The following HASPIN variants were observed in gnomAD, a reference collection of about 807,000 sequenced individuals.
HASPIN encodes histone H3 associated protein kinase, also known as serine/threonine-protein kinase haspin.
A neutral mutation model predicts 28.8 loss-of-function variants in HASPIN; 24 were observed. The ratio of observed to expected loss-of-function variants is 0.83; its 90% confidence interval spans 0.60 to 1.17. The LOEUF (loss-of-function observed/expected upper bound fraction) is 1.17, where lower values mean the gene tolerates loss of function less well. Ranked by LOEUF, HASPIN falls within the 50% of genes most tolerant of loss-of-function variation. The pLI, the probability that HASPIN is intolerant of heterozygous loss-of-function variation, is 0.00. For synonymous variants in HASPIN, 440 were observed against 413.1 expected (o/e 1.07, Z -0.79); for missense variants, 1,016 against 1,018.5 (o/e 1.00, Z 0.03).
rs2143008363 is a variant in HASPIN at position 3,725,100 on chromosome 17, A to G, written c.1165A>G (p.Ser389Gly). 1 of 1,614,214 alleles carries G rather than the reference A, an allele frequency of 6.2e-7. No homozygotes were observed. Among genetic ancestry groups the G allele is most frequent in the Non-Finnish European group, 8.5e-7 (1 of 1,180,036 alleles). Residue 389 changes from serine to glycine, a missense_variant, in exon 1 of 1, where the codon AGT becomes GGT. Transcript: ENST00000325418. Reference sequence around the variant, plus strand: ...TTGGACCAAAACCAGGGCTTCCTTCAGTTTCCACAAGAAGAAAATTGTGAC... The same window carrying G: ...TTGGACCAAAACCAGGGCTTCCTTCGGTTTCCACAAGAAGAAAATTGTGAC... The part of the protein sequence containing the change: ...CFWTKTRASF[S>G]FHKKKIVTDV...
In HASPIN at chr17:3,725,326, A is replaced by T. The variant is rs2051184211; in HGVS notation, c.1391A>T (p.Tyr464Phe). The part of the protein sequence containing the change: ...NKKASDAEKV[Y>F]GECSQKGPVP... ...AAGGCATCTGATGCTGAAAAGGTTTATGGGGAATGCAGTCAGAAGGGTCCT... is the reference window on the plus strand; with the variant it reads ...AAGGCATCTGATGCTGAAAAGGTTTTTGGGGAATGCAGTCAGAAGGGTCCT... The change falls in exon 1 of 1, where the codon TAT becomes TTT. Residue 464 changes from tyrosine (Y) to phenylalanine (F), a missense_variant. Transcript: ENST00000325418. 6.2e-7 allele frequency: 1 copy of T among 1,614,128 alleles called. No individual in the cohort carries two copies. Among genetic ancestry groups the T allele is most frequent in the Non-Finnish European group, 8.5e-7 (1 of 1,180,050 alleles).
In HASPIN at chr17:3,725,958, A is replaced by C. The variant is rs1180993551; in HGVS notation, c.2023A>C (p.Thr675Pro). 6.2e-7 allele frequency: 1 copy of C among 1,613,824 alleles called. No homozygotes were observed. The highest frequency in any genetic ancestry group is 1.7e-5 in the Admixed American group (1 of 59,984). The change falls in exon 1 of 1, where the codon ACT (threonine) becomes CCT (proline). Residue 675 changes from threonine to proline, a missense_variant. Coordinates refer to ENST00000325418, the MANE Select transcript of HASPIN (RefSeq NM_031965.2). ...CTACACCCTCAATGGGAAGAGCAGC[A>C]CTATCCCCAGCTGTGGGTTGCAAGT... ...LHYTLNGKSS[T>P]IPSCGLQVSI...
In HASPIN at chr17:3,724,983, C is replaced by T. The variant is rs1217986347; in HGVS notation, c.1048C>T (p.Leu350Phe). 6.2e-7 allele frequency: 1 copy of T among 1,614,052 alleles called. No individual in the cohort carries two copies. The highest frequency in any genetic ancestry group is 2.2e-5 in the East Asian group (1 of 44,896). Residue 350 changes from leucine (L) to phenylalanine (F), a missense_variant, in exon 1 of 1, where the codon CTC becomes TTC. Physicochemically the swap from Leu to Phe is conservative, Grantham distance 22. This residue lies in a region of HASPIN where 881 missense variants were observed against 845.5 expected (regional missense o/e 1.04). Transcript: ENST00000325418. ...ACATCAGGAGGCAACGGAAACCTCT[C>T]TCCTCCATTCCCACCGCTTTAAAAA... Reference protein sequence around the residue: ...SKHQEATETSLLHSHRFKKGQ... With the variant: ...SKHQEATETSFLHSHRFKKGQ...
Position 3,725,507 on chromosome 17 carries a change from C to T in HASPIN, c.1572C>T (p.Ser524=). ...AIEGPDLVNG[S]HQKTFEEILP... ...AAGGACCAGATTTAGTCAATGGATC[C>T]CATCAGAAAACCTTTGAGGAAATCC... The change falls in exon 1 of 1, where the codon TCC becomes TCT. Residue 524 remains serine (S), a synonymous_variant. Coordinates refer to ENST00000325418, the MANE Select transcript of HASPIN (RefSeq NM_031965.2). The T allele has an allele frequency of 6.2e-7, 1 of 1,614,188 alleles. No homozygotes were observed. Among genetic ancestry groups the T allele is most frequent in the South Asian group, 1.1e-5 (1 of 91,076 alleles).
Position 3,724,598 on chromosome 17 carries a change from G to T in HASPIN, c.663G>T (p.Gln221His). 1 of 1,614,210 alleles carries T rather than the reference G, an allele frequency of 6.2e-7. No homozygotes were observed. The highest frequency in any genetic ancestry group is 8.5e-7 in the Non-Finnish European group (1 of 1,180,050). Residue 221 changes from glutamine to histidine, a missense_variant, in exon 1 of 1, where the codon CAG (glutamine) becomes CAT (histidine). By Grantham distance (24) the Gln-to-His change is conservative (BLOSUM62 0). Coordinates refer to ENST00000325418, the MANE Select transcript of HASPIN (RefSeq NM_031965.2). The part of the protein sequence containing the change: ...SLDRASLPCS[Q>H]EEATGGAKDT... ...ACCGAGCATCTCTCCCCTGCTCCCA[G>T]GAGGAAGCGACAGGAGGAGCCAAGG...
rs1360138368 is a variant in HASPIN, at chr17:3,725,426, A to G, written c.1491A>G (p.Glu497=). 6.2e-7 allele frequency: 1 copy of G among 1,614,090 alleles called. No homozygotes were observed. Among genetic ancestry groups the G allele is most frequent in the African/African-American group, 1.3e-5 (1 of 74,938 alleles). ...CEKIGEGVFG[E]VFQTIADHTP... Reference sequence around the variant, plus strand: ...AGATTGGGGAAGGGGTGTTTGGCGAAGTGTTTCAAACAATTGCTGATCACA... The same window carrying G: ...AGATTGGGGAAGGGGTGTTTGGCGAGGTGTTTCAAACAATTGCTGATCACA... Residue 497 remains glutamate (E), a synonymous_variant, in exon 1 of 1, where the codon GAA becomes GAG. Coordinates refer to ENST00000325418, the MANE Select transcript of HASPIN (RefSeq NM_031965.2).
Position 3,724,920 on chromosome 17 carries a change from G to A in HASPIN, c.985G>A (p.Asp329Asn), listed in dbSNP as rs756143093. The change falls in exon 1 of 1, where the codon GAC (aspartate) becomes AAC (asparagine). Residue 329 changes from aspartate to asparagine, a missense_variant. Physicochemically the swap from Asp to Asn is conservative, Grantham distance 23. Around this residue, in one of 3 missense-constraint regions of HASPIN, gnomAD observed 881 missense variants for 845.5 expected, o/e 1.04. Transcript: ENST00000325418. ...PKGRIVPRGI[D>N]RLERTRSSRK... ...GGGCCGCATTGTGCCAAGGGGAATA[G>A]ACAGGCTGGAGAGAACTAGATCAAG... The A allele has an allele frequency of 5.0e-6, 8 of 1,613,566 alleles. No individual in the cohort carries two copies. In the African/African-American group the frequency reaches 5.3e-5, roughly 11 times the overall value.
chr17:3,726,216 A>G lies in HASPIN; in HGVS notation c.2281A>G (p.Lys761Glu). ...KMLKQMTFKT[K>E]CNTPAMKQIK... is the part of the protein sequence containing the mutation. ...GCTGAAACAAATGACCTTCAAGACT[A>G]AATGTAACACTCCTGCCATGAAGCA... The change falls in exon 1 of 1, where the codon AAA becomes GAA. Residue 761 changes from lysine to glutamate, a missense_variant. Physicochemically the swap from Lys to Glu is moderately conservative, Grantham distance 56. This residue lies in a region of HASPIN where 129 missense variants were observed against 156.2 expected (regional missense o/e 0.83). Transcript: ENST00000325418. The G allele has an allele frequency of 6.2e-7, 1 of 1,614,204 alleles. No individual in the cohort carries two copies. The highest frequency in any genetic ancestry group is 8.5e-7 in the Non-Finnish European group (1 of 1,180,012).
In HASPIN at chr17:3,726,289, G is replaced by C. The variant is rs776724349; in HGVS notation, c.2354G>C (p.Ser785Thr). 5 of 1,613,880 alleles carry C rather than the reference G, an allele frequency of 3.1e-6. No individual in the cohort carries two copies. Among genetic ancestry groups the C allele is most frequent in the Non-Finnish European group, 4.2e-6 (5 of 1,179,926 alleles). ...TTCCACAGGACAATGCTGAACTTCA[G>C]CTCTGCCACTGACTTGCTCTGCCAG... ...QEFHRTMLNF[S>T]SATDLLCQHS... Residue 785 changes from serine (S) to threonine (T), a missense_variant, in exon 1 of 1, where the codon AGC becomes ACC. Physicochemically the swap from Ser to Thr is moderately conservative, Grantham distance 58 (BLOSUM62 1). Transcript: ENST00000325418.
rs2051143974 is a variant in HASPIN at position 3,724,146 on chromosome 17, T to C, written c.211T>C (p.Phe71Leu). 4 of 1,595,292 alleles carry C rather than the reference T, an allele frequency of 2.5e-6. No homozygotes were observed. In the East Asian group the frequency reaches 9.0e-5, roughly 36 times the overall value. ...TCCTGACGATCCCGACGACCCCGAC[T>C]TCCCCGGCAGCCCGGTGAGGCGGCG... ...DDPDDPDDPD[F>L]PGSPVRRRRR... is the part of the protein sequence containing the mutation. Residue 71 changes from phenylalanine (F) to leucine (L), a missense_variant, in exon 1 of 1, where the codon TTC becomes CTC. Coordinates refer to ENST00000325418, the MANE Select transcript of HASPIN (RefSeq NM_031965.2).
rs765192610 is a variant in HASPIN at position 3,724,356 on chromosome 17, C to G, written c.421C>G (p.Arg141Gly). The G allele has an allele frequency of 2.5e-6, 4 of 1,600,518 alleles. No individual in the cohort carries two copies. The highest frequency in any genetic ancestry group is 4.5e-5 in the East Asian group (2 of 44,434). ...GPLRLPPFPS[R>G]DSGRLSPDLS... ...GCTCCGACTTCCGCCCTTCCCCAGC[C>G]GCGACTCCGGCCGCCTCAGCCCGGA... Residue 141 changes from arginine (R) to glycine (G), a missense_variant, in exon 1 of 1, where the codon CGC (arginine) becomes GGC (glycine). Arg to Gly is a moderately radical substitution (Grantham distance 125, BLOSUM62 -2). Around this residue, in one of 3 missense-constraint regions of HASPIN, gnomAD observed 881 missense variants for 845.5 expected, o/e 1.04. Coordinates refer to ENST00000325418, the MANE Select transcript of HASPIN (RefSeq NM_031965.2).
chr17:3,725,000 C>A lies in HASPIN; in HGVS notation c.1065C>A (p.Arg355=). 6.2e-7 allele frequency: 1 copy of A among 1,614,198 alleles called. No homozygotes were observed. The highest frequency in any genetic ancestry group is 8.5e-7 in the Non-Finnish European group (1 of 1,180,026). ...AAACCTCTCTCCTCCATTCCCACCG[C>A]TTTAAAAAGGGCCAAAAGCTGGGAA... is the stretch of plus-strand genomic sequence containing the variant. ...ATETSLLHSH[R]FKKGQKLGKD... Residue 355 remains arginine (R), a synonymous_variant, in exon 1 of 1, where the codon CGC becomes CGA. Transcript: ENST00000325418.
Position 3,723,930 on chromosome 17 carries a change from C to A in HASPIN, c.-6C>A. On this transcript the variant is annotated 5_prime_UTR_variant, in exon 1 of 1. Coordinates refer to ENST00000325418, the MANE Select transcript of HASPIN (RefSeq NM_031965.2). ...TTGCGTTTGAACCTCTTGGCGGGTG[C>A]CGGCCATGGCGGCTTCGCTCCCGGG... 2 of 1,543,300 alleles carry A rather than the reference C, an allele frequency of 1.3e-6. No homozygotes were observed. The highest frequency in any genetic ancestry group is 1.7e-6 in the Non-Finnish European group (2 of 1,146,384).
Position 3,725,698 on chromosome 17 carries a change from A to T in HASPIN, c.1763A>T (p.Asn588Ile). 6.3e-7 allele frequency: 1 copy of T among 1,576,058 alleles called. No homozygotes were observed. The highest frequency in any genetic ancestry group is 8.6e-7 in the Non-Finnish European group (1 of 1,161,716). Residue 588 changes from asparagine to isoleucine, a missense_variant, in exon 1 of 1, where the codon AAT becomes ATT. Asn to Ile is a moderately radical substitution (Grantham distance 149). Coordinates refer to ENST00000325418, the MANE Select transcript of HASPIN (RefSeq NM_031965.2). ...TATAATTCAACCAAAGGCTCTGCAA[A>T]TGACCGGCCTGATTTTTTTAAAGAC... is the stretch of plus-strand genomic sequence containing the variant. ...DHYNSTKGSA[N>I]DRPDFFKDDQ...
rs764029821 is a variant in HASPIN, at chr17:3,725,039, C to A, written c.1104C>A (p.Pro368=). ...KGQKLGKDSF[P]TQDLTPLQNV... Reference sequence around the variant, plus strand: ...AAAAGCTGGGAAAAGATTCGTTCCCCACCCAGGACCTGACTCCTTTACAGA... The same window carrying A: ...AAAAGCTGGGAAAAGATTCGTTCCCAACCCAGGACCTGACTCCTTTACAGA... The change falls in exon 1 of 1, where the codon CCC becomes CCA. Residue 368 remains proline (P), a synonymous_variant. Coordinates refer to ENST00000325418, the MANE Select transcript of HASPIN (RefSeq NM_031965.2). The A allele has an allele frequency of 2.5e-6, 4 of 1,614,102 alleles. No homozygotes were observed. Among genetic ancestry groups the A allele is most frequent in the Non-Finnish European group, 3.4e-6 (4 of 1,180,052 alleles).
Position 3,724,515 on chromosome 17 carries a change from T to A in HASPIN, c.580T>A (p.Cys194Ser). Residue 194 changes from cysteine (C) to serine (S), a missense_variant, in exon 1 of 1, where the codon TGT becomes AGT. Transcript: ENST00000325418. ...TGTCATCTCGATCGGCACCTCCGCCTGTCTGGTTGCAGCCTCAGCCGTCCC... is the reference window on the plus strand; with the variant it reads ...TGTCATCTCGATCGGCACCTCCGCCAGTCTGGTTGCAGCCTCAGCCGTCCC... ...DSVISIGTSA[C>S]LVAASAVPSG... 1 of 1,613,984 alleles carries A rather than the reference T, an allele frequency of 6.2e-7. No individual in the cohort carries two copies. Among genetic ancestry groups the A allele is most frequent in the Non-Finnish European group, 8.5e-7 (1 of 1,179,996 alleles).
Position 3,725,287 on chromosome 17 carries a change from G to A in HASPIN, c.1352G>A (p.Ser451Asn). ...TTGCTAAGCCCCTTAAACACTCTAA[G>A]TATTTCAAACAAAAAGGCATCTGAT... ...MYLLSPLNTL[S>N]ISNKKASDAE... Residue 451 changes from serine to asparagine, a missense_variant, in exon 1 of 1, where the codon AGT (serine) becomes AAT (asparagine). Ser to Asn is a conservative substitution (Grantham distance 46). Around this residue, in one of 3 missense-constraint regions of HASPIN, gnomAD observed 881 missense variants for 845.5 expected, o/e 1.04. Transcript: ENST00000325418. The A allele has an allele frequency of 6.2e-7, 1 of 1,614,172 alleles. No individual in the cohort carries two copies. Among genetic ancestry groups the A allele is most frequent in the Non-Finnish European group, 8.5e-7 (1 of 1,180,026 alleles).
chr17:3,726,122 T>A lies in HASPIN; in HGVS notation c.2187T>A (p.Asn729Lys). 6.2e-7 allele frequency: 1 copy of A among 1,614,132 alleles called. No individual in the cohort carries two copies. The highest frequency in any genetic ancestry group is 8.5e-7 in the Non-Finnish European group (1 of 1,180,036). The change falls in exon 1 of 1, where the codon AAT becomes AAA. Residue 729 changes from asparagine to lysine, a missense_variant. Asn to Lys is a moderately conservative substitution (Grantham distance 94). This residue lies in a region of HASPIN where 129 missense variants were observed against 156.2 expected (regional missense o/e 0.83). Transcript: ENST00000325418. ...FDIYRLMKKE[N>K]NNRWGEYHPY... ...TCTACAGGCTCATGAAGAAGGAGAA[T>A]AACAACCGCTGGGGTGAATATCACC...
At position 3,724,121 on chromosome 17, in the gene HASPIN, T is replaced by TCCTGACGATCCCGACGAC. The variant is rs759456256; in HGVS notation, c.189_206dup (p.Asp65_Asp70dup). The TCCTGACGATCCCGACGAC allele has an allele frequency of 7.5e-6, 12 of 1,594,260 alleles. No homozygotes were observed. Among genetic ancestry groups the TCCTGACGATCCCGACGAC allele is most frequent in the Non-Finnish European group, 1.0e-5 (12 of 1,177,460 alleles). On this transcript the variant is annotated inframe_insertion, in exon 1 of 1. Coordinates refer to ENST00000325418, the MANE Select transcript of HASPIN (RefSeq NM_031965.2). ...TCGGCGACCCCTCGCAGTCCGACGATCCTGACGATCCCGACGACCCCGACT... is the reference window on the plus strand; with the variant it reads ...TCGGCGACCCCTCGCAGTCCGACGATCCTGACGATCCCGACGACCCTGACGATCCCGACGACCCCGACT...
Sources: gnomAD v4.1 joint callset for allele counts on GRCh38, gnomAD v4.1.1 for gene constraint, gnomAD v4.1.1 regional missense constraint, MANE v1.5 for transcripts, NCBI Gene and HGNC (gene_info 2026-07-23, HGNC 2026-07-21) for gene names.